The following MARCHF1 variants were observed in gnomAD, a reference collection of about 807,000 sequenced individuals.
The protein encoded by MARCHF1 is membrane associated ring-CH-type finger 1.
Under a neutral mutation model 54.2 loss-of-function variants are expected in MARCHF1, and 40 were observed. The ratio of observed to expected loss-of-function variants is 0.74; its 90% CI spans 0.57 to 0.96. The LOEUF (loss-of-function observed/expected upper bound fraction) is 0.96. MARCHF1 is among the 40% of genes least tolerant of loss of function. MARCHF1 has a pLI of 0.00. For missense variants in MARCHF1, 586 were observed against 656.5 expected (o/e 0.89, Z 1.17); for synonymous variants, 236 against 236.3 (o/e 1.00, Z 0.01).
At chr4:164,224,906 G>GT (rs1340245280) in intron 1 of MARCHF1, among the ~76,000 whole-genome samples, 1 of 151,888 alleles carries the variant, frequency 6.6e-6, no homozygotes, top group Non-Finnish European at 1.5e-5. Flanking sequence ...AAAGTTTAGG[G>GT]TTTTTTTAAG....
intron 3 of MARCHF1, among the ~76,000 whole-genome samples, chr4:163,920,126 G>T (rs1278702099): frequency 1.3e-5 from 2 of 152,148 alleles, no homozygotes; most frequent in Non-Finnish European, 2.9e-5. Flanking sequence ...ACTCAGAAAT[G>T]ATATTCAAAG....
intron 4 of MARCHF1, among the ~76,000 whole-genome samples, chr4:163,780,491 T>C (rs1312038013): frequency 6.6e-6 from 1 of 152,204 alleles, no homozygotes; most frequent in African/African-American, 2.4e-5. Context: ...GATAGCTCTA[T>C]AGGTTCTCTA....
chr4:164,103,957 CA>C (rs1579537195), intron 2 of MARCHF1, among the ~76,000 whole-genome samples: 1 of 150,544 alleles, frequency 6.6e-6, no homozygotes, highest in East Asian at 1.9e-4. Context: ...CACAGAAATA[CA>C]AACTACCATC....
At chr4:163,732,982 T>C (rs1250379451) in intron 4 of MARCHF1, among the ~76,000 whole-genome samples, 5 of 150,742 alleles carry the variant, frequency 3.3e-5, no homozygotes, top group Admixed American at 1.3e-4. Context: ...TGAAGCCCCG[T>C]CTCTACTAAA....
intron 5 of MARCHF1, among the ~76,000 whole-genome samples, chr4:163,686,600 C>A (rs1438236016): frequency 6.6e-6 from 1 of 151,744 alleles, no homozygotes; most frequent in South Asian, 2.1e-4. Flanking sequence ...ATTTTCTAAA[C>A]ACCTACTTGG....
At chr4:163,947,986 C>G (rs1752056555) in intron 3 of MARCHF1, among the ~76,000 whole-genome samples, 1 of 152,148 alleles carries the variant, frequency 6.6e-6, no homozygotes, top group Admixed American at 6.5e-5. Flanking sequence ...TAATATTCCC[C>G]CAAAGTAGAT....
chr4:164,123,159 T>A (rs1756107319), intron 1 of MARCHF1, among the ~76,000 whole-genome samples: 1 of 152,122 alleles, frequency 6.6e-6, no homozygotes, highest in Non-Finnish European at 1.5e-5. Context: ...CCTTTCTATA[T>A]GCCAACAGTG....
chr4:163,946,517 C>T (rs1752029911), intron 3 of MARCHF1, among the ~76,000 whole-genome samples: 1 of 152,050 alleles, frequency 6.6e-6, no homozygotes. Context: ...AGAATAATAT[C>T]CCCCAGGAAT....
At chr4:164,008,819 G>A (rs1243770817) in intron 2 of MARCHF1, among the ~76,000 whole-genome samples, 1 of 151,790 alleles carries the variant, frequency 6.6e-6, no homozygotes, top group Non-Finnish European at 1.5e-5. Flanking sequence ...AAATATATGG[G>A]ATATGGCAAA....
intron 1 of MARCHF1, among the ~76,000 whole-genome samples, chr4:164,136,170 G>T (rs1419064194): frequency 1.4e-5 from 2 of 146,448 alleles, no homozygotes; most frequent in Non-Finnish European, 3.0e-5. Flanking sequence ...TTTCTACTAT[G>T]TTCTTCTCAC....
At chr4:163,953,176 G>C (rs1472821727) in intron 3 of MARCHF1, among the ~76,000 whole-genome samples, 1 of 152,096 alleles carries the variant, frequency 6.6e-6, no homozygotes, top group Non-Finnish European at 1.5e-5. Context: ...TGCATTATTT[G>C]TGACGGTCTC....
chr4:163,646,456 A>C (rs963875117), intron 5 of MARCHF1, among the ~76,000 whole-genome samples: 12 of 152,132 alleles, frequency 7.9e-5, no homozygotes, highest in African/African-American at 2.9e-4. Context: ...GACTCAGTAA[A>C]GACAAATATA....
intron 1 of MARCHF1, among the ~76,000 whole-genome samples, chr4:164,230,732 A>T (rs1357560299): frequency 6.6e-6 from 1 of 152,136 alleles, no homozygotes; most frequent in African/African-American, 2.4e-5. Context: ...AGAACCACCC[A>T]GTTAAGCCAC....
At chr4:163,569,454 G>A (rs1739760219) in intron 8 of MARCHF1, among the ~76,000 whole-genome samples, 1 of 152,138 alleles carries the variant, frequency 6.6e-6, no homozygotes, top group South Asian at 2.1e-4. Flanking sequence ...ATGCTAAAAA[G>A]CTGAAATTAA....
chr4:163,601,580 G>A (rs1473484992), intron 7 of MARCHF1, among the ~76,000 whole-genome samples: 1 of 151,894 alleles, frequency 6.6e-6, no homozygotes, highest in East Asian at 1.9e-4. Flanking sequence ...ACTTCTATAT[G>A]ATTGGATATT....
chr4:163,714,282 A>G (rs1489498743), intron 4 of MARCHF1, among the ~76,000 whole-genome samples: 1 of 152,332 alleles, frequency 6.6e-6, no homozygotes, highest in Non-Finnish European at 1.5e-5. Flanking sequence ...TAAATATGCA[A>G]TGTAAGTTAA....
At chr4:164,114,308 A>G (rs760048633) in intron 1 of MARCHF1, among the ~76,000 whole-genome samples, 11 of 151,918 alleles carry the variant, frequency 7.2e-5, no homozygotes, top group Non-Finnish European at 1.2e-4. Flanking sequence ...TATTTAATAT[A>G]TTTTTATTGC....
At chr4:163,699,303 T>C (rs1166103456) in intron 5 of MARCHF1, among the ~76,000 whole-genome samples, 1 of 152,236 alleles carries the variant, frequency 6.6e-6, no homozygotes, top group East Asian at 1.9e-4. Context: ...TGGATGGTGT[T>C]GCAAGACAGA....
chr4:164,213,865 G>A (rs1731850560), intron 1 of MARCHF1, among the ~76,000 whole-genome samples: 1 of 151,882 alleles, frequency 6.6e-6, no homozygotes, highest in African/African-American at 2.4e-5. Context: ...CAGGCAAAAT[G>A]TAAATAATCT....
Sources: gnomAD v4.1 joint callset for allele counts (sites outside exome capture counted in the v4.1 genomes callset) on GRCh38, gnomAD v4.1.1 for gene constraint, MANE v1.5 for transcripts, NCBI Gene and HGNC (gene_info 2026-07-23, HGNC 2026-07-21) for gene names.